The following FAF1 variants were observed in gnomAD, a reference collection of about 807,000 sequenced individuals.
FAF1 encodes Fas associated factor 1.
Under a neutral mutation model 92.5 loss-of-function variants are expected in FAF1, and 25 were observed. The ratio of observed to expected loss-of-function variants is 0.27; its 90% CI spans 0.20 to 0.38. The LOEUF (loss-of-function observed/expected upper bound fraction) is 0.38, where lower values mean the gene tolerates loss of function less well. Ranked by LOEUF, FAF1 falls within the 10% of genes least tolerant of loss-of-function variation. The pLI, the probability that FAF1 is intolerant of heterozygous loss-of-function variation, is 1.00. For missense variants in FAF1, 636 were observed against 793.3 expected (o/e 0.80, Z 2.38); for synonymous variants, 234 against 273.2 (o/e 0.86, Z 1.42).
At chr1:50,638,342 GAATAGAACTTGCGCAAGTGA>G (rs1176142595) in intron 8 of FAF1, among the ~76,000 whole-genome samples, 1 of 151,936 alleles carries the variant, frequency 6.6e-6, no homozygotes, top group Middle Eastern at 3.2e-3. Flanking sequence ...GTATAACATT[GAATAGAACTTGCGCAAGTGA>G]ACATCCTTAC....
intron 18 of FAF1, among the ~76,000 whole-genome samples, chr1:50,466,026 C>T (rs547935873): frequency 2.6e-5 from 4 of 151,352 alleles, no homozygotes; most frequent in East Asian, 1.9e-4. Context: ...AGAGAAGTGA[C>T]GTGATTTGCC....
chr1:50,769,639 T>C (rs1016634906), intron 4 of FAF1, among the ~76,000 whole-genome samples: 1 of 152,324 alleles, frequency 6.6e-6, no homozygotes, highest in Non-Finnish European at 1.5e-5. Context: ...GTTGGTTTAA[T>C]ATATACAAAT....
chr1:50,623,170 A>C (rs1653292587), intron 8 of FAF1, among the ~76,000 whole-genome samples: 2 of 152,230 alleles, frequency 1.3e-5, no homozygotes, highest in Non-Finnish European at 2.9e-5. Context: ...ATATGAAGTA[A>C]AGAGCATTTG....
At chr1:50,891,006 G>A (rs963744112) in intron 1 of FAF1, among the ~76,000 whole-genome samples, 7 of 152,140 alleles carry the variant, frequency 4.6e-5, no homozygotes, top group South Asian at 2.1e-4. Context: ...CCAATCAAAC[G>A]TAGATTTGGT....
intron 8 of FAF1, among the ~76,000 whole-genome samples, chr1:50,601,607 G>A (rs1205372893): frequency 2.0e-5 from 3 of 152,120 alleles, no homozygotes; most frequent in South Asian, 4.2e-4. Context: ...GTTTGAACCC[G>A]GGAGGCAGAG....
At chr1:50,497,759 A>G (rs192808332) in intron 15 of FAF1, among the ~76,000 whole-genome samples, 259 of 151,978 alleles carry the variant, frequency 1.7e-3, no homozygotes, top group African/African-American at 5.6e-3. Flanking sequence ...CATCTTGGCC[A>G]GGCTGGTCTT....
intron 1 of FAF1, among the ~76,000 whole-genome samples, chr1:50,952,244 A>G (rs959640911): frequency 3.2e-4 from 49 of 152,146 alleles, no homozygotes; most frequent in African/African-American, 1.1e-3. Context: ...AGTGCCTGGG[A>G]TTGCAGGCGC....
At chr1:50,651,530 A>C (rs899189769) in intron 8 of FAF1, among the ~76,000 whole-genome samples, 1 of 152,232 alleles carries the variant, frequency 6.6e-6, no homozygotes, top group African/African-American at 2.4e-5. Flanking sequence ...GAGCAATAAA[A>C]GTACAAAATG....
At chr1:50,490,509 AG>A in intron 17 of FAF1, 78 bp downstream of exon 17, 1 of 728,662 alleles carries the variant, frequency 1.4e-6, no homozygotes, top group African/African-American at 1.8e-5. Flanking sequence ...GAAGGAAGGA[AG>A]GAAGGAAGGT....
intron 1 of FAF1, among the ~76,000 whole-genome samples, chr1:50,879,755 C>A (rs1193088195): frequency 6.6e-6 from 1 of 152,154 alleles, no homozygotes; most frequent in African/African-American, 2.4e-5. Flanking sequence ...TCAGGCCTGA[C>A]CCCATACTCC....
chr1:50,443,069 T>A (rs12072155), intron 18 of FAF1, among the ~76,000 whole-genome samples: 24,464 of 152,236 alleles, frequency 0.16, 2,962 homozygotes, highest in African/African-American at 0.34. Flanking sequence ...ACAGAGCTAC[T>A]CTGCCTCTGC....
chr1:50,795,399 G>GGGAAGCCACACAACCTTA (rs1179390699), intron 3 of FAF1, among the ~76,000 whole-genome samples: 1 of 152,124 alleles, frequency 6.6e-6, no homozygotes, highest in African/African-American at 2.4e-5. Flanking sequence ...ACACAACCTT[G>GGGAAGCCACACAACCTTA]GTTCTAACTA....
chr1:50,873,582 G>A (rs1023380819), intron 1 of FAF1, among the ~76,000 whole-genome samples: 1 of 152,180 alleles, frequency 6.6e-6, no homozygotes, highest in African/African-American at 2.4e-5. Context: ...GACACTCATT[G>A]TTCATTAGCA....
intron 6 of FAF1, among the ~76,000 whole-genome samples, chr1:50,712,379 G>T (rs1172762736): frequency 6.6e-6 from 1 of 152,200 alleles, no homozygotes; most frequent in African/African-American, 2.4e-5. Context: ...ATGTTTGCTG[G>T]GCTTGGTAGC....
chr1:50,551,143 A>G (rs116553473), intron 13 of FAF1, among the ~76,000 whole-genome samples: 2,029 of 152,218 alleles, frequency 0.013, 43 homozygotes, highest in African/African-American at 0.045. Context: ...TTTATATTGT[A>G]TGTACAGAGA....
chr1:50,838,494 CTA>C (rs1044604339), intron 2 of FAF1, among the ~76,000 whole-genome samples: 99 of 146,192 alleles, frequency 6.8e-4, no homozygotes, highest in African/African-American at 1.0e-3. Flanking sequence ...TAAATATAAG[CTA>C]TGTTTTGTTA....
intron 15 of FAF1, among the ~76,000 whole-genome samples, chr1:50,500,975 T>C (rs1646977231): frequency 6.6e-6 from 1 of 152,166 alleles, no homozygotes; most frequent in Non-Finnish European, 1.5e-5. Context: ...TTTTGAATAG[T>C]AGCAACAATA....
chr1:50,864,090 C>A (rs1374181533), intron 1 of FAF1, among the ~76,000 whole-genome samples: 33 of 151,546 alleles, frequency 2.2e-4, no homozygotes, highest in Admixed American at 5.9e-4. Flanking sequence ...TGATTCTTCT[C>A]TCTTTTCTTC....
intron 7 of FAF1, among the ~76,000 whole-genome samples, chr1:50,700,378 T>C (rs1015211154): frequency 6.6e-6 from 1 of 152,086 alleles, no homozygotes; most frequent in African/African-American, 2.4e-5. Flanking sequence ...GTAATTCTAG[T>C]AAAGCACTTA....
Sources: gnomAD v4.1 joint callset for allele counts (sites outside exome capture counted in the v4.1 genomes callset) on GRCh38, gnomAD v4.1.1 for gene constraint, MANE v1.5 for transcripts, NCBI Gene and HGNC (gene_info 2026-07-23, HGNC 2026-07-21) for gene names.